Variants in GRID1 observed in about 807,000 individuals in gnomAD.
GRID1 encodes the protein glutamate receptor ionotropic, delta-1.
In GRID1, 28 loss-of-function variants were observed where a neutral mutation model predicts 98.0. The ratio of observed to expected loss-of-function variants is 0.29; its 90% CI spans 0.21 to 0.39. GRID1 has a LOEUF of 0.39. GRID1 is among the 10% of genes least tolerant of loss of function. The pLI is 1.00. For missense variants in GRID1, 1,111 were observed against 1,340.5 expected, an observed-to-expected ratio of 0.83 and a Z score of 2.67; for synonymous variants, 553 against 538.5, an observed-to-expected ratio of 1.03 and a Z score of -0.37.
intron 5 of GRID1, among the ~76,000 whole-genome samples, chr10:85,892,279 C>A (rs1409682230): frequency 1.3e-5 from 2 of 149,564 alleles, no homozygotes; most frequent in African/African-American, 4.9e-5. Context: ...TTCAAGCAGC[C>A]TAATATACAA....
chr10:86,334,286 AT>A (rs1309351339), intron 2 of GRID1, among the ~76,000 whole-genome samples: 1 of 152,042 alleles, frequency 6.6e-6, no homozygotes, highest in Non-Finnish European at 1.5e-5. Context: ...CATCTCCCTC[AT>A]TTACTGCTGC....
chr10:85,717,094 A>G (rs1841648586), intron 12 of GRID1, among the ~76,000 whole-genome samples: 1 of 152,226 alleles, frequency 6.6e-6, no homozygotes, highest in African/African-American at 2.4e-5. Context: ...GAGATTGGCT[A>G]AAACAGCAGA....
chr10:85,985,076 C>A (rs1344729791), intron 4 of GRID1, among the ~76,000 whole-genome samples: 2 of 152,084 alleles, frequency 1.3e-5, no homozygotes, highest in African/African-American at 4.8e-5. Flanking sequence ...CAGTAGCATC[C>A]CAACCCCCCA....
intron 8 of GRID1, among the ~76,000 whole-genome samples, chr10:85,769,875 T>C (rs546073067): frequency 1.3e-5 from 2 of 152,344 alleles, no homozygotes; most frequent in South Asian, 4.1e-4. Context: ...CCTGCCTCTG[T>C]AGGCTCCACC....
intron 2 of GRID1, among the ~76,000 whole-genome samples, chr10:86,304,540 A>G (rs1847733254): frequency 6.6e-6 from 1 of 152,226 alleles, no homozygotes; most frequent in South Asian, 2.1e-4. Context: ...TCCTGAGCAC[A>G]GAAGGCATGG....
chr10:85,642,485 G>C (rs1409395883), intron 13 of GRID1, among the ~76,000 whole-genome samples: 2 of 152,128 alleles, frequency 1.3e-5, no homozygotes, highest in Non-Finnish European at 1.5e-5. Context: ...AAATCTAAAG[G>C]GGGTAACCTG....
At chr10:86,067,192 T>G (rs1222990931) in intron 4 of GRID1, among the ~76,000 whole-genome samples, 1 of 152,192 alleles carries the variant, frequency 6.6e-6, no homozygotes, top group Non-Finnish European at 1.5e-5. Flanking sequence ...ACTGATAAGG[T>G]GTTAATAAAC....
At chr10:86,048,559 C>T (rs971536315) in intron 4 of GRID1, among the ~76,000 whole-genome samples, 1 of 152,160 alleles carries the variant, frequency 6.6e-6, no homozygotes, top group South Asian at 2.1e-4. Context: ...GAGATCCAGG[C>T]TAGGGGCCTG....
chr10:86,179,863 C>T (rs11201925), intron 3 of GRID1, among the ~76,000 whole-genome samples: 6,982 of 152,314 alleles, frequency 0.046, 227 homozygotes, highest in South Asian at 0.1. Flanking sequence ...GCCCATCTTC[C>T]CCCGTAAAGT....
At chr10:85,939,534 T>G (rs1357336386) in intron 4 of GRID1, among the ~76,000 whole-genome samples, 6 of 152,076 alleles carry the variant, frequency 3.9e-5, no homozygotes, top group Non-Finnish European at 5.9e-5. Context: ...GGCCCCTTCC[T>G]CCATCTTCAC....
intron 3 of GRID1, among the ~76,000 whole-genome samples, chr10:86,181,606 G>C (rs1845656525): frequency 6.6e-6 from 1 of 152,164 alleles, no homozygotes; most frequent in Admixed American, 6.5e-5. Context: ...CTTCCTTGAA[G>C]TATAGACACT....
intron 3 of GRID1, among the ~76,000 whole-genome samples, chr10:86,156,557 G>A (rs1287058629): frequency 6.6e-6 from 1 of 152,226 alleles, no homozygotes; most frequent in East Asian, 1.9e-4. Flanking sequence ...CCACATTTGG[G>A]TCCCTGGTTT....
intron 8 of GRID1, among the ~76,000 whole-genome samples, chr10:85,757,097 C>G (rs11818898): frequency 0.11 from 16,701 of 152,094 alleles, 1,183 homozygotes; most frequent in African/African-American, 0.21. Context: ...GTAAGCAAAC[C>G]AAGCCAACAG....
At chr10:86,311,764 C>G (rs919964743) in intron 2 of GRID1, among the ~76,000 whole-genome samples, 1 of 152,168 alleles carries the variant, frequency 6.6e-6, no homozygotes, top group Admixed American at 6.5e-5. Context: ...GGGAGGCTGA[C>G]GTGGGAGGAC....
At position 85,881,062 on chromosome 10, in the gene GRID1, A is replaced by G. The variant is rs546898461; in HGVS notation, c.781-11882T>C. On this transcript the variant is annotated intron_variant, in intron 5 of 15. Transcript: ENST00000327946. ...AATAAAATACCTAGGAATCCAACTT[A>G]CAAGGGACGTGAGGGACCTCTTCAA... 4.6e-5 allele frequency among the ~76,000 whole-genome samples: 7 copies of G among 152,350 alleles called. No individual in the cohort carries two copies. In the East Asian group the frequency reaches 1.3e-3, roughly 29 times the overall value.
At chr10:86,015,236 T>G (rs896190350) in intron 4 of GRID1, among the ~76,000 whole-genome samples, 2 of 152,198 alleles carry the variant, frequency 1.3e-5, no homozygotes, top group Admixed American at 1.3e-4. Context: ...CTCAAAAATA[T>G]GGGTTGAAGA....
intron 7 of GRID1, 103 bp from the exon 8 acceptor site, chr10:85,854,718 T>C: frequency 8.3e-7 from 1 of 1,198,872 alleles, no homozygotes; most frequent in Non-Finnish European, 1.2e-6. Context: ...AACGGAGCAA[T>C]CAGTTTTGAG....
chr10:86,125,916 A>G (rs1312482191), intron 4 of GRID1, among the ~76,000 whole-genome samples: 1 of 152,192 alleles, frequency 6.6e-6, no homozygotes, highest in African/African-American at 2.4e-5. Context: ...ATTTGTGTTG[A>G]TCAAATGTTT....
chr10:85,764,524 G>T lies in GRID1; in HGVS notation c.1234-34910C>A, dbSNP rs375056956. On this transcript the variant is annotated intron_variant, in intron 8 of 15. Coordinates refer to ENST00000327946, the MANE Select transcript of GRID1 (RefSeq NM_017551.3). ...GGGAAAGTCAGCCACCTGGGCTGCT[G>T]CAGGTGAACCCCGTGCCCTGCAGGG... Among the ~76,000 whole-genome samples, 59 of 152,336 alleles carry T rather than the reference G, an allele frequency of 3.9e-4. 1 individual carries two copies. In the East Asian group the frequency reaches 6.8e-3, roughly 17 times the overall value.
Sources: gnomAD v4.1 joint callset for allele counts (sites outside exome capture counted in the v4.1 genomes callset) on GRCh38, gnomAD v4.1.1 for gene constraint, MANE v1.5 for transcripts, NCBI Gene and HGNC (gene_info 2026-07-23, HGNC 2026-07-21) for gene names.